PAXIP1: variants seen among roughly 807,000 people sequenced by gnomAD.
PAXIP1 encodes PAX-interacting protein 1.
Under a neutral mutation model 140.6 loss-of-function variants are expected in PAXIP1, and 19 were observed. That is an observed-to-expected ratio of 0.14 (90% CI 0.09 to 0.20). The LOEUF is 0.20. Ranked by LOEUF, PAXIP1 falls within the 10% of genes least tolerant of loss-of-function variation. The pLI, the probability that PAXIP1 is intolerant of heterozygous loss-of-function variation, is 1.00. For synonymous variants in PAXIP1, 442 were observed against 444.6 expected, an observed-to-expected ratio of 0.99 and a Z score of 0.07; for missense variants, 920 against 1,208.6, an observed-to-expected ratio of 0.76 and a Z score of 3.54.
At chr7:154,962,281 A>G (rs1306171565) in intron 10 of PAXIP1, 40 bp downstream of exon 10, 2 of 1,605,914 alleles carry the variant, frequency 1.2e-6, no homozygotes, top group Non-Finnish European at 1.7e-6. Flanking sequence ...CCAAAGTCGA[A>G]GGATGATTTA....
chr7:154,971,296 C>T (rs1193867858), intron 6 of PAXIP1, among the ~76,000 whole-genome samples: 2 of 152,190 alleles, frequency 1.3e-5, no homozygotes, highest in Non-Finnish European at 1.5e-5. Flanking sequence ...AACTTAACAG[C>T]TGTTTCTACT....
intron 5 of PAXIP1, among the ~76,000 whole-genome samples, chr7:154,980,835 T>A (rs1449849005): frequency 6.6e-6 from 1 of 152,220 alleles, no homozygotes; most frequent in African/African-American, 2.4e-5. Context: ...GCATTATGCC[T>A]TCTTAAAAAT....
intron 16 of PAXIP1, chr7:154,949,835 A>T (rs1023351308): frequency 6.6e-6 from 1 of 152,250 alleles, no homozygotes; most frequent in Non-Finnish European, 1.5e-5. Context: ...TGAACCCAGG[A>T]GGCAGAGGTT....
rs1452956583 is a variant in PAXIP1 at position 154,968,842 on chromosome 7, CTGCTGT to C, written c.1353_1358del (p.Gln456_Gln457del). On this transcript the variant is annotated inframe_deletion, in exon 7 of 21. Coordinates refer to ENST00000404141, the MANE Select transcript of PAXIP1 (RefSeq NM_007349.4). ...GATGCGGATGGGCTTGCTGCTGCTG[CTGCTGT>C]TGCTGTGAAAATGGATGCGGCGGCT... 9.2e-6 allele frequency: 7 copies of C among 761,830 alleles called. No individual in the cohort carries two copies. The highest frequency in any genetic ancestry group is 4.4e-5 in the South Asian group (3 of 68,436). The allele number at this position is 761,830 out of a possible 1,614,324, so 47.2% of individuals were successfully genotyped here. A position where few individuals can be genotyped will look rare whatever the true frequency, so the allele number is the denominator to read the frequency against.
intron 16 of PAXIP1, among the ~76,000 whole-genome samples, chr7:154,952,862 C>G (rs1808335824): frequency 6.6e-6 from 1 of 152,068 alleles, no homozygotes; most frequent in Non-Finnish European, 1.5e-5. Context: ...TTATTCTTTC[C>G]TGAGTCTTAC....
chr7:154,977,211 CAAAG>C (rs1809621291), intron 5 of PAXIP1, among the ~76,000 whole-genome samples: 1 of 151,856 alleles, frequency 6.6e-6, no homozygotes, highest in Non-Finnish European at 1.5e-5. Context: ...GAGGGAATAA[CAAAG>C]AAAGAGGAAA....
At chr7:154,979,734 C>T (rs1809756162) in intron 5 of PAXIP1, among the ~76,000 whole-genome samples, 1 of 151,722 alleles carries the variant, frequency 6.6e-6, no homozygotes, top group African/African-American at 2.4e-5. Context: ...TATATGGTTC[C>T]TTCAGTTCAT....
Position 154,975,959 on chromosome 7 carries a change from C to G in PAXIP1, c.811G>C (p.Val271Leu), listed in dbSNP as rs368471881. 6 of 1,613,736 alleles carry G rather than the reference C, an allele frequency of 3.7e-6. No individual in the cohort carries two copies. In the African/African-American group the frequency reaches 8.0e-5, roughly 22 times the overall value. ...ERNLNWTPAE[V>L]PQLAAAKRRL... ...CGTTTTGCTGCAGCTAACTGTGGGA[C>G]TTCGGCCGGGGTCCAGTTTAAATTT... The change falls in exon 6 of 21, where the codon GTC (valine) becomes CTC (leucine). Residue 271 changes from valine (V) to leucine (L), a missense_variant. Transcript: ENST00000404141.
chr7:154,959,821 G>T, intron 13 of PAXIP1, 69 bp downstream of exon 13: 5 of 960,724 alleles, frequency 5.2e-6, no homozygotes, highest in South Asian at 2.8e-5. Flanking sequence ...AATTTATGAA[G>T]ACAAATACAT....
In PAXIP1 at chr7:154,968,480, G is replaced by A. The variant is rs745946971; in HGVS notation, c.1721C>T (p.Pro574Leu). Residue 574 changes from proline to leucine, a missense_variant, in exon 7 of 21, where the codon CCG becomes CTG. By Grantham distance (98) the Pro-to-Leu change is moderately conservative. Coordinates refer to ENST00000404141, the MANE Select transcript of PAXIP1 (RefSeq NM_007349.4). The stretch of plus-strand genomic sequence containing the variant: ...TGGCTGCTGTTGCTGCTGCTGCTGC[G>A]GGGGCTGCTGAGGTGGAACCTGATG... Reference protein sequence around the residue: ...LQHQVPPQQPPQQQQQQQPPP... With the variant: ...LQHQVPPQQPLQQQQQQQPPP... 3.7e-5 allele frequency: 45 copies of A among 1,217,736 alleles called. No homozygotes were observed. In the East Asian group the frequency reaches 6.2e-4, roughly 17 times the overall value. 75.4% of individuals were successfully genotyped at this position (1,217,736 alleles called of 1,614,324 possible).
chr7:155,002,048 T>G (rs762639788), intron 1 of PAXIP1: 2 of 152,214 alleles, frequency 1.3e-5, no homozygotes, highest in African/African-American at 4.8e-5. Context: ...AGGAAATATT[T>G]TGAAGATTAA....
chr7:154,990,693 T>C (rs879559776), intron 4 of PAXIP1, among the ~76,000 whole-genome samples: 1 of 152,226 alleles, frequency 6.6e-6, no homozygotes, highest in Non-Finnish European at 1.5e-5. Context: ...CTTTATTTAT[T>C]AAGAAAATTC....
chr7:154,967,883 C>G lies in PAXIP1; in HGVS notation c.1826G>C (p.Cys609Ser). 1 of 1,613,182 alleles carries G rather than the reference C, an allele frequency of 6.2e-7. No individual in the cohort carries two copies. The highest frequency in any genetic ancestry group is 8.5e-7 in the Non-Finnish European group (1 of 1,179,346). ...EIPEEGFLLGCVFAIADYPEQ... is the reference protein window; with the variant it reads ...EIPEEGFLLGSVFAIADYPEQ... ...TGGATAATCCGCAATTGCAAACACA[C>G]ATCCCAATAAGAAGCCTTCTTCTGG... The change falls in exon 8 of 21, where the codon TGT becomes TCT. Residue 609 changes from cysteine (C) to serine (S), a missense_variant. Coordinates refer to ENST00000404141, the MANE Select transcript of PAXIP1 (RefSeq NM_007349.4).
At chr7:154,996,787 C>T (rs1810642456) in intron 2 of PAXIP1, among the ~76,000 whole-genome samples, 1 of 152,096 alleles carries the variant, frequency 6.6e-6, no homozygotes. Flanking sequence ...GGTTGGCTTA[C>T]GTATCGATTC....
chr7:154,996,481 T>C (rs1810619681), intron 2 of PAXIP1, among the ~76,000 whole-genome samples: 2 of 152,246 alleles, frequency 1.3e-5, no homozygotes, highest in South Asian at 4.1e-4. Flanking sequence ...AATGGGTATT[T>C]CTACTTAGCC....
At chr7:154,994,686 T>G (rs1471577019) in intron 2 of PAXIP1, among the ~76,000 whole-genome samples, 1 of 152,220 alleles carries the variant, frequency 6.6e-6, no homozygotes, top group Non-Finnish European at 1.5e-5. Flanking sequence ...TTATCATTTT[T>G]TAGATGACAT....
At chr7:154,981,138 C>T (rs1809823148) in intron 5 of PAXIP1, among the ~76,000 whole-genome samples, 1 of 151,824 alleles carries the variant, frequency 6.6e-6, no homozygotes, top group African/African-American at 2.4e-5. Flanking sequence ...AAAAAAATTA[C>T]TTAGGAATGG....
intron 4 of PAXIP1, 183 bp from the exon 5 acceptor site, chr7:154,983,515 TATC>T: frequency 2.0e-6 from 1 of 499,488 alleles, no homozygotes; most frequent in East Asian, 3.8e-5. Context: ...ACTTCACTCC[TATC>T]ATAATAGTTT....
At chr7:154,960,370 A>G (rs769710674) in intron 12 of PAXIP1, among the ~76,000 whole-genome samples, 2 of 152,220 alleles carry the variant, frequency 1.3e-5, no homozygotes, top group Non-Finnish European at 2.9e-5. Flanking sequence ...TCAAAGCTCA[A>G]TAGTGACAAA....
Sources: allele counts gnomAD v4.1 joint callset (sites outside exome capture counted in the v4.1 genomes callset), GRCh38; gene constraint gnomAD v4.1.1; transcripts MANE v1.5; gene names NCBI Gene and HGNC (gene_info 2026-07-23, HGNC 2026-07-21).